GTF3C2: variants seen among roughly 807,000 people sequenced by gnomAD.
GTF3C2 encodes general transcription factor 3C polypeptide 2.
GTF3C2 carries 17 observed loss-of-function variants against 117.4 expected under a neutral mutation model. That is an observed-to-expected ratio of 0.14 (90% CI 0.10 to 0.22). GTF3C2 has a LOEUF of 0.22. Among genes scored for constraint, GTF3C2 ranks in the 10% least tolerant of loss-of-function variants. The probability of loss-of-function intolerance (pLI) is 1.00; values close to 1 mark genes in which losing one functional copy is unlikely to be tolerated. For synonymous variants in GTF3C2, 437 were observed against 427.0 expected, an observed-to-expected ratio of 1.02 and a Z score of -0.29; for missense variants, 888 against 1,143.6, an observed-to-expected ratio of 0.78 and a Z score of 3.22.
chr2:27,328,892 G>A lies in GTF3C2; in HGVS notation c.2079C>T (p.Tyr693=), dbSNP rs916383564. The A allele has an allele frequency of 4.3e-6, 7 of 1,612,796 alleles. No homozygotes were observed. In the Admixed American group the frequency reaches 5.0e-5, roughly 12 times the overall value. ...CAGTGAAGTAGGCCTTGAAACCAAG[G>A]TAACCAGCGTCAATATAATGAATCC... The change falls in exon 15 of 19, where the codon TAC becomes TAT. Residue 693 remains tyrosine (Y), a synonymous_variant. Coordinates refer to ENST00000264720, the Ensembl canonical transcript of GTF3C2.
At chr2:27,326,523 A>C (rs1680077555) in exon 19 of GTF3C2, 2 of 628,166 alleles carry the variant, frequency 3.2e-6, no homozygotes, top group Non-Finnish European at 5.7e-6. Flanking sequence ...CTGTAGAAAG[A>C]GTGGGATCTA....
chr2:27,327,397 C>T (rs1680117297), intron 17 of GTF3C2, 113 bp from the exon 18 acceptor site: 2 of 538,848 alleles, frequency 3.7e-6, no homozygotes, highest in Non-Finnish European at 6.7e-6. Context: ...ATCTTGGCAG[C>T]TCACTACAAC....
At position 27,336,117 on chromosome 2, in the gene GTF3C2, A is replaced by G. The variant is rs1193119752; in HGVS notation, c.1355+81T>C. On this transcript the variant is annotated intron_variant, in intron 8 of 18. Transcript: ENST00000264720. ...AGCTCCCCTTGTCTCAGCCCAATCCAAGCCCTTCCCCCTATCCTGTCCAGA... is the reference window on the plus strand; with the variant it reads ...AGCTCCCCTTGTCTCAGCCCAATCCGAGCCCTTCCCCCTATCCTGTCCAGA... 5 of 1,414,656 alleles carry G rather than the reference A, an allele frequency of 3.5e-6. No individual in the cohort carries two copies. In the East Asian group the frequency reaches 1.1e-4, roughly 32 times the overall value. The allele number at this position is 1,414,656 out of a possible 1,614,324, so 87.6% of individuals were successfully genotyped here. A position where few individuals can be genotyped will look rare whatever the true frequency, so the allele number is the denominator to read the frequency against.
intron 4 of GTF3C2, 178 bp downstream of exon 4, chr2:27,341,770 A>ACC: frequency 3.4e-6 from 2 of 593,828 alleles, no homozygotes; most frequent in South Asian, 4.2e-5. Flanking sequence ...TGTTTACCAT[A>ACC]CCCCTTCTTC....
intron 3 of GTF3C2, 68 bp from the exon 4 acceptor site, chr2:27,342,301 TGA>T: frequency 1.5e-6 from 2 of 1,329,692 alleles, no homozygotes; most frequent in Non-Finnish European, 2.1e-6. Context: ...CAGACATGGT[TGA>T]TTTTTATCTC....
exon 4 of GTF3C2, chr2:27,342,114 G>A (rs992598814): frequency 1.2e-6 from 2 of 1,614,152 alleles, no homozygotes; most frequent in East Asian, 2.2e-5. Flanking sequence ...ACAGGCTGCT[G>A]GCTGCCGGAT....
intron 12 of GTF3C2, among the ~76,000 whole-genome samples, chr2:27,331,475 G>A (rs1043705268): frequency 4.6e-5 from 7 of 151,968 alleles, no homozygotes; most frequent in Admixed American, 1.3e-4. Flanking sequence ...ACAGGCACGC[G>A]CCATCCTGCC....
intron 4 of GTF3C2, chr2:27,340,009 G>A (rs1443972828): frequency 2.8e-5 from 4 of 143,668 alleles, no homozygotes; most frequent in Admixed American, 7.0e-5. Flanking sequence ...AAAAAAAAAG[G>A]GAAAAAAGAA....
intron 4 of GTF3C2, chr2:27,339,989 A>G (rs1161071432): frequency 1.8e-5 from 1 of 55,668 alleles, no homozygotes; most frequent in African/African-American, 8.1e-5. Flanking sequence ...TCTGTTTCAA[A>G]AAAAAAAAAA....
At chr2:27,334,068 C>A in intron 10 of GTF3C2, 69 bp from the exon 11 acceptor site, 1 of 1,170,174 alleles carries the variant, frequency 8.5e-7, no homozygotes, top group South Asian at 1.2e-5. Context: ...CTCTGTCACC[C>A]AGGCCCGAGT....
intron 1 of GTF3C2, 56 bp from the exon 2 acceptor site, chr2:27,343,634 G>A: frequency 7.1e-7 from 1 of 1,410,096 alleles, no homozygotes; most frequent in South Asian, 1.2e-5. Context: ...TACTAGCTCA[G>A]ATTTTTATTT....
intron 5 of GTF3C2, 88 bp downstream of exon 5, chr2:27,337,838 T>C: frequency 3.7e-6 from 3 of 820,028 alleles, no homozygotes; most frequent in South Asian, 2.7e-5. Flanking sequence ...CATGAGTGCT[T>C]CTCTTTCCCA....
intron 1 of GTF3C2, among the ~76,000 whole-genome samples, chr2:27,348,769 G>T (rs1326946427): frequency 1.3e-5 from 2 of 152,134 alleles, no homozygotes; most frequent in East Asian, 3.9e-4. Flanking sequence ...TCCCAGCCTG[G>T]GCAGACAGAG....
At chr2:27,337,303 T>C (rs780718776) in exon 7 of GTF3C2, 6 of 1,613,572 alleles carry the variant, frequency 3.7e-6, no homozygotes, top group Non-Finnish European at 5.1e-6. Context: ...CAGAAAACAA[T>C]GGAGACTTCT....
chr2:27,337,765 T>A (rs1300529277), intron 5 of GTF3C2, 161 bp downstream of exon 5: 1 of 703,664 alleles, frequency 1.4e-6, no homozygotes, highest in Non-Finnish European at 2.5e-6. Flanking sequence ...AATTAAAGAG[T>A]TCTAGAGCTC....
At chr2:27,345,623 G>C (rs1680889744) in intron 1 of GTF3C2, among the ~76,000 whole-genome samples, 1 of 152,006 alleles carries the variant, frequency 6.6e-6, no homozygotes, top group Non-Finnish European at 1.5e-5. Flanking sequence ...AGAGTTCTCT[G>C]GTGCCCTGCT....
chr2:27,327,307 G>T, intron 17 of GTF3C2, 23 bp from the exon 18 acceptor site: 7 of 1,249,750 alleles, frequency 5.6e-6, no homozygotes, highest in Non-Finnish European at 8.1e-6. Context: ...AATGGAATAG[G>T]AGAGAGAAAG....
chr2:27,326,980 G>A (rs2148236302), intron 18 of GTF3C2, 87 bp from the exon 19 acceptor site: 2 of 807,504 alleles, frequency 2.5e-6, no homozygotes, highest in South Asian at 1.7e-5. Flanking sequence ...AAAAAAAAAT[G>A]AGCCACAATC....
In GTF3C2 at chr2:27,353,377, G is replaced by A. The variant is rs540837850; in HGVS notation, c.-25+3362C>T. ...CAGCCTGGCGACAGAGCTAGACTCC[G>A]TCTCAAAAAAAAAAAAAAAAGGAGC... On this transcript the variant is annotated intron_variant, in intron 1 of 18. Transcript: ENST00000264720. Among the ~76,000 whole-genome samples the A allele has an allele frequency of 2.5e-3, 290 of 116,144 alleles. 1 individual carries two copies. Among genetic ancestry groups the A allele is most frequent in the Admixed American group, 5.3e-3 (61 of 11,416 alleles). The allele number at this position is 116,144 out of a possible 152,430, so 76.2% of individuals were successfully genotyped here. A position where few individuals can be genotyped will look rare whatever the true frequency, so the allele number is the denominator to read the frequency against.
Sources: gnomAD v4.1 joint callset for allele counts (sites outside exome capture counted in the v4.1 genomes callset) on GRCh38, gnomAD v4.1.1 for gene constraint, MANE v1.5 for transcripts, NCBI Gene and HGNC (gene_info 2026-07-23, HGNC 2026-07-21) for gene names.